Variants in FLNC observed in about 807,000 individuals in gnomAD.
FLNC encodes the protein filamin-C.
FLNC carries 91 observed loss-of-function variants against 254.3 expected under a neutral mutation model. The observed-to-expected ratio is 0.36, with a 90% confidence interval of 0.30 to 0.43. FLNC has a LOEUF of 0.43. Among genes scored for constraint, FLNC ranks in the 20% least tolerant of loss-of-function variants. The probability of loss-of-function intolerance (pLI) is 1.00; values close to 1 mark genes in which losing one functional copy is unlikely to be tolerated. For synonymous variants in FLNC, 1,430 were observed against 1,577.2 expected (o/e 0.91, Z 2.21); for missense variants, 2,853 against 3,802.6 (o/e 0.75, Z 6.57).
chr7:128,850,825 G>C lies in FLNC; in HGVS notation c.5421G>C (p.Gly1807=). ...CAGGAGAGGTGCGGATGCCCTCGGG[G>C]AAGACGGCACGGCCCAACATCACCG... ...ELTGEVRMPS[G]KTARPNITDN... is the part of the protein sequence containing the mutation. Residue 1807 remains glycine, a synonymous_variant, in exon 33 of 48, where the codon GGG becomes GGC. Coordinates refer to ENST00000325888, the MANE Select transcript of FLNC (RefSeq NM_001458.5). 2 of 1,613,818 alleles carry C rather than the reference G, an allele frequency of 1.2e-6. No individual in the cohort carries two copies. Among genetic ancestry groups the C allele is most frequent in the Non-Finnish European group, 1.7e-6 (2 of 1,180,030 alleles).
In FLNC at chr7:128,834,543, G is replaced by A. The variant is rs1336494479; in HGVS notation, c.353-783G>A. Among the ~76,000 whole-genome samples, 3 of 149,680 alleles carry A rather than the reference G, an allele frequency of 2.0e-5. No homozygotes were observed. The Admixed American group carries it at 2.0e-4, about 10-fold the overall frequency. On this transcript the variant is annotated intron_variant, in intron 1 of 47. Transcript: ENST00000325888. Reference sequence around the variant, plus strand: ...CTTTCTGGCATTCGGGGTAGAGTGTGAGTGGAAACTTGTCCTACCCCACTC... The same window carrying A: ...CTTTCTGGCATTCGGGGTAGAGTGTAAGTGGAAACTTGTCCTACCCCACTC...
chr7:128,852,429 G>A (rs892626883), intron 35 of FLNC, among the ~76,000 whole-genome samples, 162 bp from the exon 36 acceptor site: 1 of 152,214 alleles, frequency 6.6e-6, no homozygotes, highest in African/African-American at 2.4e-5. Context: ...GCTCACATGT[G>A]AGTGCAGACT....
Position 128,830,988 on chromosome 7 carries a change from A to G in FLNC, c.351A>G (p.Ile117Met). The G allele has an allele frequency of 6.2e-7, 1 of 1,606,310 alleles. No individual in the cohort carries two copies. Among genetic ancestry groups the G allele is most frequent in the South Asian group, 1.1e-5 (1 of 91,084 alleles). Residue 117 changes from isoleucine to methionine, a missense_variant and splice_region_variant, in exon 1 of 48, where the codon ATA (isoleucine) becomes ATG (methionine). Ile to Met is a conservative substitution (Grantham distance 10). Transcript: ENST00000325888. ...LEREHIKLVS[I>M]DSKAIVDGNL... ...GCGAGCACATCAAGCTCGTGTCCAT[A>G]GGTCAGTGCCGGGGGCGAGGGCACG...
At chr7:128,852,117 G>A (rs1004599561) in intron 35 of FLNC, among the ~76,000 whole-genome samples, 1 of 152,154 alleles carries the variant, frequency 6.6e-6, no homozygotes, top group African/African-American at 2.4e-5. Context: ...ACCTGCCTCG[G>A]CCTCCCAAAG....
At chr7:128,834,913 C>T (rs1808038012) in intron 1 of FLNC, among the ~76,000 whole-genome samples, 1 of 152,164 alleles carries the variant, frequency 6.6e-6, no homozygotes, top group Admixed American at 6.5e-5. Context: ...TCCATAGTGT[C>T]AAAGCTTCTC....
rs1399326443 is a variant in FLNC, at chr7:128,844,692, T to C, written c.3227T>C (p.Leu1076Pro). ...TATGGCCCGGGTCTCAAGGGTGGAC[T>C]GGTAGGCACCCCCGCGCCATTCTCC... ...CAYGPGLKGG[L>P]VGTPAPFSID... is the part of the protein sequence containing the mutation. The change falls in exon 21 of 48, where the codon CTG becomes CCG. Residue 1076 changes from leucine to proline, a missense_variant. Physicochemically the swap from Leu to Pro is moderately conservative, Grantham distance 98 (BLOSUM62 -3). Around this residue, in one of 10 missense-constraint regions of FLNC, gnomAD observed 1,573 missense variants for 1,883.5 expected, o/e 0.84. Coordinates refer to ENST00000325888, the MANE Select transcript of FLNC (RefSeq NM_001458.5). The C allele has an allele frequency of 1.2e-6, 2 of 1,613,436 alleles. No homozygotes were observed. The highest frequency in any genetic ancestry group is 1.7e-6 in the Non-Finnish European group (2 of 1,180,008).
rs746777092 is a variant in FLNC, at chr7:128,849,535, G to A, written c.5156G>A (p.Arg1719His). 9.3e-6 allele frequency: 15 copies of A among 1,614,030 alleles called. No homozygotes were observed. Among genetic ancestry groups the A allele is most frequent in the African/African-American group, 5.3e-5 (4 of 74,932 alleles). Reference protein sequence around the residue: ...PEPGKYVITIRFGGEHIPNSP... With the variant: ...PEPGKYVITIHFGGEHIPNSP... ...CCGGGCAAGTACGTCATCACCATCC[G>A]CTTCGGGGGTGAGCACATCCCCAAC... The change falls in exon 30 of 48, where the codon CGC (arginine) becomes CAC (histidine). Residue 1719 changes from arginine to histidine, a missense_variant. Around this residue, in one of 10 missense-constraint regions of FLNC, gnomAD observed 258 missense variants for 312.3 expected, o/e 0.83. Transcript: ENST00000325888.
chr7:128,846,584 A>G, intron 23 of FLNC, 121 bp downstream of exon 23: 1 of 1,421,514 alleles, frequency 7.0e-7, no homozygotes, highest in Non-Finnish European at 9.8e-7. Flanking sequence ...GTGAGGCAGG[A>G]GCAGACCCCC....
At position 128,857,501 on chromosome 7, in the gene FLNC, C is replaced by T. The variant is rs1251164475; in HGVS notation, c.7780+165C>T. Reference sequence around the variant, plus strand: ...CTACACAGTACACGTTCTGTGGAGTCGGGCATGATCACGTAAAAATGCCAT... The same window carrying T: ...CTACACAGTACACGTTCTGTGGAGTTGGGCATGATCACGTAAAAATGCCAT... On this transcript the variant is annotated intron_variant, in intron 46 of 47. Coordinates refer to ENST00000325888, the MANE Select transcript of FLNC (RefSeq NM_001458.5). This position sits in a 1 kb window ranked among gnomAD's most constrained non-coding sequence, Gnocchi z 4.5. Among the ~76,000 whole-genome samples the T allele has an allele frequency of 3.3e-5, 5 of 150,690 alleles. No individual in the cohort carries two copies. Among genetic ancestry groups the T allele is most frequent in the Non-Finnish European group, 7.4e-5 (5 of 68,010 alleles).
rs183104951 is a variant in FLNC, at chr7:128,858,394, C to T, written c.8049C>T (p.Tyr2683=). 5.8e-4 allele frequency: 920 copies of T among 1,593,874 alleles called. 1 individual carries two copies. The highest frequency in any genetic ancestry group is 4.7e-3 in the African/African-American group (348 of 74,270). The change falls in exon 48 of 48, where the codon TAC becomes TAT. Residue 2683 remains tyrosine (Y), a synonymous_variant. Coordinates refer to ENST00000325888, the MANE Select transcript of FLNC (RefSeq NM_001458.5). This position sits in a 1 kb window ranked among gnomAD's most constrained non-coding sequence, Gnocchi z 6.7. ...HGPKTPCEEV[Y]VKHMGNRVYN... is the part of the protein sequence containing the mutation. ...CCAAGACCCCCTGTGAGGAGGTGTA[C>T]GTGAAGCACATGGGGAACCGGGTGT... is the stretch of plus-strand genomic sequence containing the variant.
intron 20 of FLNC, 144 bp downstream of exon 20, chr7:128,844,410 C>T: frequency 9.2e-7 from 1 of 1,081,922 alleles, no homozygotes; most frequent in East Asian, 2.6e-5. Context: ...CCCCACCCCA[C>T]CACCTGCCTT....
intron 1 of FLNC, 65 bp downstream of exon 1, chr7:128,831,054 A>T: frequency 2.7e-6 from 4 of 1,496,422 alleles, no homozygotes; most frequent in East Asian, 2.3e-5. Context: ...GCAGGGGCAC[A>T]GGTGCGGGGT....
intron 43 of FLNC, among the ~76,000 whole-genome samples, chr7:128,855,639 G>A (rs1169690881): frequency 6.6e-6 from 1 of 152,224 alleles, no homozygotes; most frequent in East Asian, 1.9e-4. Flanking sequence ...AAGAATGAGA[G>A]CATAAAATCT....
Position 128,850,922 on chromosome 7 carries a change from T to A in FLNC, c.5518T>A (p.Tyr1840Asn), listed in dbSNP as rs1808781407. 3 of 1,613,178 alleles carry A rather than the reference T, an allele frequency of 1.9e-6. No homozygotes were observed. The highest frequency in any genetic ancestry group is 2.5e-6 in the Non-Finnish European group (3 of 1,179,852). ...AGGCCTGCACCAGATGGGGATCAAG[T>A]ATGACGGCAACCACATCCCTGGTGA... ...EKGLHQMGIK[Y>N]DGNHIPGSPL... Residue 1840 changes from tyrosine to asparagine, a missense_variant, in exon 33 of 48, where the codon TAT becomes AAT. Around this residue, in one of 10 missense-constraint regions of FLNC, gnomAD observed 258 missense variants for 312.3 expected, o/e 0.83. Transcript: ENST00000325888.
chr7:128,852,340 T>C (rs1338237328), intron 35 of FLNC, among the ~76,000 whole-genome samples: 3 of 152,002 alleles, frequency 2.0e-5, no homozygotes, highest in Admixed American at 2.0e-4. Context: ...ATGCAGGAGG[T>C]TTCCTTTAGG....
Position 128,847,767 on chromosome 7 carries a change from G to C in FLNC, c.4359G>C (p.Leu1453=). Residue 1453 remains leucine, a synonymous_variant, in exon 25 of 48, where the codon CTG becomes CTC. Coordinates refer to ENST00000325888, the MANE Select transcript of FLNC (RefSeq NM_001458.5). ...PGKVKCSGPG[L]GAGVRARVPQ... ...AGGTGAAGTGCTCAGGGCCAGGGCT[G>C]GGGGCTGGTGTCAGGGCCCGGGTTC... The C allele has an allele frequency of 6.2e-7, 1 of 1,614,064 alleles. No individual in the cohort carries two copies. The highest frequency in any genetic ancestry group is 8.5e-7 in the Non-Finnish European group (1 of 1,180,008).
In FLNC at chr7:128,854,545, C is replaced by T. The variant is rs1434865362; in HGVS notation, c.6860C>T (p.Thr2287Met). 6.2e-6 allele frequency: 10 copies of T among 1,607,400 alleles called. No individual in the cohort carries two copies. Among genetic ancestry groups the T allele is most frequent in the African/African-American group, 2.7e-5 (2 of 75,002 alleles). ...GTGCCCCAGGAAATGGGGCCCCATA[C>T]GGTCGCTGTCAAGTACCGTGGCCAG... ...RFVPQEMGPH[T>M]VAVKYRGQHV... Residue 2287 changes from threonine to methionine, a missense_variant, in exon 41 of 48, where the codon ACG becomes ATG. Physicochemically the swap from Thr to Met is moderately conservative, Grantham distance 81. This residue lies in a region of FLNC where 551 missense variants were observed against 835.0 expected (regional missense o/e 0.66). Transcript: ENST00000325888.
Position 128,849,518 on chromosome 7 carries a change from G to A in FLNC, c.5139G>A (p.Lys1713=), listed in dbSNP as rs999446709. ...ACTACACAGCGCCCGAGCCGGGCAA[G>A]TACGTCATCACCATCCGCTTCGGGG... is the stretch of plus-strand genomic sequence containing the variant. The part of the protein sequence containing the change: ...DIYYTAPEPG[K]YVITIRFGGE... Residue 1713 remains lysine, a synonymous_variant, in exon 30 of 48, where the codon AAG becomes AAA. Coordinates refer to ENST00000325888, the MANE Select transcript of FLNC (RefSeq NM_001458.5). 6.2e-7 allele frequency: 1 copy of A among 1,614,084 alleles called. No homozygotes were observed. Among genetic ancestry groups the A allele is most frequent in the African/African-American group, 1.3e-5 (1 of 74,944 alleles).
rs2639141 is a variant in FLNC at position 128,857,891 on chromosome 7, G to A, written c.7781-117G>A. The A allele has an allele frequency of 9.1e-3, 6,964 of 766,060 alleles. 438 individuals are homozygous for A. In the African/African-American group the frequency reaches 0.11, roughly 12 times the overall value. 47.5% of individuals were successfully genotyped at this position (766,060 alleles called of 1,614,324 possible). On this transcript the variant is annotated intron_variant, in intron 46 of 47. Transcript: ENST00000325888. This position sits in a 1 kb window ranked among gnomAD's most constrained non-coding sequence, Gnocchi z 4.5. ...GGCCCTTGGAGGAATTTGAGGGGGA[G>A]CCTCAAATGCAGGCAGTGAGTCCCA...
Sources: gnomAD v4.1 joint callset for allele counts (sites outside exome capture counted in the v4.1 genomes callset) on GRCh38, gnomAD v4.1.1 for gene constraint, gnomAD v4.1.1 regional missense constraint, Gnocchi (gnomAD v3.1) non-coding constraint, MANE v1.5 for transcripts, NCBI Gene and HGNC (gene_info 2026-07-23, HGNC 2026-07-21) for gene names.